The following NUDCD1 variants were observed in gnomAD, a reference collection of about 807,000 sequenced individuals.
NUDCD1 encodes the protein NudC domain containing 1, also known as nudC domain-containing protein 1.
NUDCD1 carries 60 observed loss-of-function variants against 67.8 expected under a neutral mutation model. That is an observed-to-expected ratio of 0.88 (90% confidence interval 0.72 to 1.10). The LOEUF (loss-of-function observed/expected upper bound fraction) is 1.10. NUDCD1 is among the 50% of genes least tolerant of loss of function. NUDCD1 has a pLI of 0.00. For synonymous variants in NUDCD1, 244 were observed against 230.8 expected (o/e 1.06, Z -0.52); for missense variants, 643 against 695.0 (o/e 0.93, Z 0.84).
intron 1 of NUDCD1, chr8:109,329,903 G>A: frequency 1.3e-6 from 2 of 1,537,704 alleles, no homozygotes; most frequent in East Asian, 2.5e-5. Context: ...CATACTGGAT[G>A]CTACGAAGTA....
rs1363121243 is a variant in NUDCD1 at position 109,281,185 on chromosome 8, G to A, written c.824-13C>T. The A allele has an allele frequency of 6.4e-7, 1 of 1,554,094 alleles. No individual in the cohort carries two copies. The highest frequency in any genetic ancestry group is 8.8e-7 in the Non-Finnish European group (1 of 1,132,168). On this transcript the variant is annotated splice_polypyrimidine_tract_variant and intron_variant, in intron 5 of 9. Transcript: ENST00000239690. Reference sequence around the variant, plus strand: ...TAATACAGAGGTTCTATTGGGAAAAGAAAAATGCATCATGTAATAAAAAAT... The same window carrying A: ...TAATACAGAGGTTCTATTGGGAAAAAAAAAATGCATCATGTAATAAAAAAT...
rs1814663390 is a variant in NUDCD1 at position 109,289,797 on chromosome 8, T to C, written c.777A>G (p.Gln259=). 1.9e-6 allele frequency: 3 copies of C among 1,563,868 alleles called. No homozygotes were observed. The highest frequency in any genetic ancestry group is 4.6e-5 in the East Asian group (2 of 43,082). Residue 259 remains glutamine (Q), a synonymous_variant, in exon 5 of 10, where the codon CAA becomes CAG. Coordinates refer to ENST00000239690, the MANE Select transcript of NUDCD1 (RefSeq NM_032869.4). The part of the protein sequence containing the change: ...YKSLTFVQAG[Q]DLEENMDEDI... ...CTTCATCCATATTTTCTTCAAGATC[T>C]TGACCAGCCTGAACAAATGTTAAAG...
intron 2 of NUDCD1, among the ~76,000 whole-genome samples, chr8:109,297,267 C>A (rs1012281310): frequency 6.6e-6 from 1 of 152,126 alleles, no homozygotes; most frequent in Non-Finnish European, 1.5e-5. Context: ...CACCAGTCTG[C>A]GGTATGAAAA....
At chr8:109,271,876 G>C (rs964915380) in intron 7 of NUDCD1, among the ~76,000 whole-genome samples, 1 of 152,082 alleles carries the variant, frequency 6.6e-6, no homozygotes, top group African/African-American at 2.4e-5. Context: ...GAATACAATG[G>C]TGGATATTTG....
Position 109,311,403 on chromosome 8 carries a change from C to G in NUDCD1, c.273+10906G>C, listed in dbSNP as rs575665717. Among the ~76,000 whole-genome samples, 300 of 152,036 alleles carry G rather than the reference C, an allele frequency of 2.0e-3. 2 individuals carry two copies. The highest frequency in any genetic ancestry group is 3.3e-3 in the Non-Finnish European group (227 of 67,992). On this transcript the variant is annotated intron_variant, in intron 2 of 9. Coordinates refer to ENST00000239690, the MANE Select transcript of NUDCD1 (RefSeq NM_032869.4). ...CTAAAAGTAGAACCTCCATTTGATC[C>G]AGCAATCCCACTACTGGGTATCTAC...
intron 2 of NUDCD1, among the ~76,000 whole-genome samples, chr8:109,311,556 G>GATATAT (rs1563681331): frequency 1.9e-5 from 1 of 53,972 alleles, no homozygotes; most frequent in African/African-American, 1.3e-4. Context: ...AAGAAACTGT[G>GATATAT]GTGTATATAT....
chr8:109,278,765 A>ATACCACAC (rs1814359565), intron 6 of NUDCD1, among the ~76,000 whole-genome samples: 1 of 152,268 alleles, frequency 6.6e-6, no homozygotes, highest in South Asian at 2.1e-4. Context: ...TTGTATGAAT[A>ATACCACAC]TACCACACGT....
intron 8 of NUDCD1, 53 bp from the exon 9 acceptor site, chr8:109,245,534 C>A: frequency 7.1e-7 from 1 of 1,405,428 alleles, no homozygotes; most frequent in Admixed American, 1.9e-5. Flanking sequence ...ATAATAGCAA[C>A]AATAACAATG....
At chr8:109,291,577 C>T (rs1336477829) in intron 4 of NUDCD1, among the ~76,000 whole-genome samples, 4 of 149,304 alleles carry the variant, frequency 2.7e-5, no homozygotes, top group East Asian at 3.9e-4. Flanking sequence ...AAATAGTTTA[C>T]GAAAATACTG....
chr8:109,252,225 G>A (rs978637122), intron 8 of NUDCD1, among the ~76,000 whole-genome samples: 6 of 152,114 alleles, frequency 3.9e-5, no homozygotes, highest in African/African-American at 1.4e-4. Context: ...TTCAGCCTCA[G>A]TACTCTGTGA....
In NUDCD1 at chr8:109,296,429, G is replaced by C. The variant is rs567169397; in HGVS notation, c.414C>G (p.Val138=). The C allele has an allele frequency of 6.2e-7, 1 of 1,613,514 alleles. No individual in the cohort carries two copies. Among genetic ancestry groups the C allele is most frequent in the South Asian group, 1.1e-5 (1 of 90,998 alleles). The change falls in exon 3 of 10, where the codon GTC becomes GTG. Residue 138 remains valine (V), a synonymous_variant. Coordinates refer to ENST00000239690, the MANE Select transcript of NUDCD1 (RefSeq NM_032869.4). ...TATTTCCACGTTCACCTGTTCCAAT[G>C]ACATACAATCTTCCAGTTCCATCTG... is the stretch of plus-strand genomic sequence containing the variant. The part of the protein sequence containing the change: ...TLSDGTGRLY[V]IGTGERGNSA...
At chr8:109,260,492 G>A (rs909035770) in intron 8 of NUDCD1, among the ~76,000 whole-genome samples, 5 of 152,166 alleles carry the variant, frequency 3.3e-5, no homozygotes, top group Non-Finnish European at 5.9e-5. Flanking sequence ...GAGCCACTGC[G>A]CCTGGCCCAT....
intron 8 of NUDCD1, among the ~76,000 whole-genome samples, chr8:109,266,392 ATTT>A (rs71305931): frequency 0.025 from 2,229 of 87,502 alleles, 71 homozygotes; most frequent in African/African-American, 0.082. Context: ...TGCCCGGCTA[ATTT>A]TTTTTTTTTT....
At chr8:109,316,602 G>A (rs1815402616) in intron 2 of NUDCD1, 1 of 152,164 alleles carries the variant, frequency 6.6e-6, no homozygotes, top group Non-Finnish European at 1.5e-5. Context: ...TCTAGTTAGT[G>A]GTCAACATTC....
chr8:109,326,805 G>T (rs1815691573), intron 1 of NUDCD1, among the ~76,000 whole-genome samples: 1 of 152,118 alleles, frequency 6.6e-6, no homozygotes, highest in Non-Finnish European at 1.5e-5. Context: ...ATTATTTATT[G>T]AATATCTACT....
intron 1 of NUDCD1, among the ~76,000 whole-genome samples, chr8:109,330,440 T>C (rs892408855): frequency 6.6e-6 from 1 of 152,198 alleles, no homozygotes; most frequent in Non-Finnish European, 1.5e-5. Flanking sequence ...AGAAATCAAA[T>C]TACCAGAAGC....
In NUDCD1 at chr8:109,296,403, C is replaced by A; in HGVS notation, c.440G>T (p.Ser147Ile). The change falls in exon 3 of 10, where the codon AGC becomes ATC. Residue 147 changes from serine (S) to isoleucine (I), a missense_variant. By Grantham distance (142) the Ser-to-Ile change is moderately radical (BLOSUM62 -2). Coordinates refer to ENST00000239690, the MANE Select transcript of NUDCD1 (RefSeq NM_032869.4). ...YVIGTGERGN[S>I]ASEKWEIMFN... ...CCTCACCTCCCATTTTTCAGAAGCG[C>A]TATTTCCACGTTCACCTGTTCCAAT... The A allele has an allele frequency of 6.2e-7, 1 of 1,612,920 alleles. No homozygotes were observed.
At chr8:109,269,118 GA>G (rs1003443613) in intron 8 of NUDCD1, among the ~76,000 whole-genome samples, 5 of 152,070 alleles carry the variant, frequency 3.3e-5, no homozygotes, top group Admixed American at 6.6e-5. Flanking sequence ...GTCACTAAAA[GA>G]TAATTCTAAA....
At chr8:109,332,709 T>C (rs1420449522) in intron 1 of NUDCD1, among the ~76,000 whole-genome samples, 3 of 152,174 alleles carry the variant, frequency 2.0e-5, no homozygotes, top group African/African-American at 4.8e-5. Flanking sequence ...CACTTTCTAA[T>C]GCACTAACTA....
Sources: gnomAD v4.1 joint callset for allele counts (sites outside exome capture counted in the v4.1 genomes callset) on GRCh38, gnomAD v4.1.1 for gene constraint, MANE v1.5 for transcripts, NCBI Gene and HGNC (gene_info 2026-07-23, HGNC 2026-07-21) for gene names.